The following ABHD6 variants were observed in gnomAD, a reference collection of about 807,000 sequenced individuals.
ABHD6 encodes the protein abhydrolase domain containing 6, acylglycerol lipase, also known as monoacylglycerol lipase ABHD6.
ABHD6 carries 33 observed loss-of-function variants against 38.8 expected under a neutral mutation model. That is an observed-to-expected ratio of 0.85 (90% confidence interval 0.64 to 1.14). The LOEUF (loss-of-function observed/expected upper bound fraction) is 1.14, where lower values mean the gene tolerates loss of function less well. ABHD6 is among the 50% of genes most tolerant of loss of function. ABHD6 has a pLI of 0.00. For synonymous variants in ABHD6, 147 were observed against 161.6 expected, an observed-to-expected ratio of 0.91 and a Z score of 0.69; for missense variants, 380 against 422.6, an observed-to-expected ratio of 0.90 and a Z score of 0.88.
At chr3:58,255,540 G>A (rs2097432663) in intron 2 of ABHD6, among the ~76,000 whole-genome samples, 2 of 150,604 alleles carry the variant, frequency 1.3e-5, no homozygotes, top group South Asian at 2.1e-4. Flanking sequence ...GCTTACTACA[G>A]CTTCAAACTC....
At chr3:58,262,143 TAGAG>T (rs2097437428) in intron 3 of ABHD6, among the ~76,000 whole-genome samples, 1 of 152,036 alleles carries the variant, frequency 6.6e-6, no homozygotes, top group African/African-American at 2.4e-5. Context: ...GACAAACTCA[TAGAG>T]AAAGTAGAAT....
rs1575524243 is a variant in ABHD6 at position 58,269,896 on chromosome 3, G to A, written c.390+462G>A. On this transcript the variant is annotated intron_variant, in intron 5 of 9. Transcript: ENST00000478253. The surrounding 1 kb of genome is among the most constrained non-coding windows in gnomAD (Gnocchi z 4.4). ...TGGCTAAGCTTTCAAGATCATAGGA[G>A]TTTAAGAGCCATTTCAGAATGGGGT... Among the ~76,000 whole-genome samples the A allele has an allele frequency of 6.6e-6, 1 of 152,306 alleles. No homozygotes were observed. The highest frequency in any genetic ancestry group is 1.9e-4 in the East Asian group (1 of 5,184).
chr3:58,245,486 G>A (rs1014253121), intron 1 of ABHD6, among the ~76,000 whole-genome samples: 3 of 151,376 alleles, frequency 2.0e-5, no homozygotes, highest in African/African-American at 7.3e-5. Context: ...ATTTAGAAAG[G>A]CAAAACCCCA....
rs189464408 is a variant in ABHD6, at chr3:58,248,471, G to A, written c.-90-1407G>A. On this transcript the variant is annotated intron_variant, in intron 1 of 9. Coordinates refer to ENST00000478253, the MANE Select transcript of ABHD6 (RefSeq NM_001320126.2). ...CCAGCACTTTGGAAGGCCGAGGCAG[G>A]CTGATCACCTGAGGTTGGGAGTTCG... Among the ~76,000 whole-genome samples, 38 of 152,310 alleles carry A rather than the reference G, an allele frequency of 2.5e-4. No individual in the cohort carries two copies. In the East Asian group the frequency reaches 6.4e-3, roughly 26 times the overall value.
At position 58,285,737 on chromosome 3, in the gene ABHD6, A is replaced by G. The variant is rs1257189264; in HGVS notation, c.837+284A>G. On this transcript the variant is annotated intron_variant, in intron 9 of 9. Transcript: ENST00000478253. The surrounding 1 kb of genome is among the most constrained non-coding windows in gnomAD (Gnocchi z 4.9). ...ACATGGTATAAAAAGATCTTCAAAG[A>G]ACACCAAAAGGTTTATAATGAAAAC... Among the ~76,000 whole-genome samples the G allele has an allele frequency of 6.6e-6, 1 of 152,228 alleles. No homozygotes were observed. The highest frequency in any genetic ancestry group is 1.5e-5 in the Non-Finnish European group (1 of 68,034).
chr3:58,279,489 T>C (rs1457124603), intron 7 of ABHD6, among the ~76,000 whole-genome samples: 1 of 152,208 alleles, frequency 6.6e-6, no homozygotes, highest in East Asian at 1.9e-4. Flanking sequence ...AGCCTATGTG[T>C]GTCTCTGCAT....
chr3:58,247,246 C>T (rs564672789), intron 1 of ABHD6, among the ~76,000 whole-genome samples: 264 of 152,140 alleles, frequency 1.7e-3, no homozygotes, highest in African/African-American at 6.0e-3. Context: ...CAAAGTGATC[C>T]TCCTGCTTCA....
At position 58,245,030 on chromosome 3, in the gene ABHD6, G is replaced by A. The variant is rs1050163427; in HGVS notation, c.-90-4848G>A. Among the ~76,000 whole-genome samples the A allele has an allele frequency of 1.2e-3, 187 of 152,326 alleles. 1 individual carries two copies. Among genetic ancestry groups the A allele is most frequent in the Non-Finnish European group, 4.7e-4 (32 of 68,032 alleles). On this transcript the variant is annotated intron_variant, in intron 1 of 9. Coordinates refer to ENST00000478253, the MANE Select transcript of ABHD6 (RefSeq NM_001320126.2). Reference sequence around the variant, plus strand: ...GGATCAGTGCACAAGGACCCTGAATGCTAGACTTTGTGCTGGGAGTGAGAA... The same window carrying A: ...GGATCAGTGCACAAGGACCCTGAATACTAGACTTTGTGCTGGGAGTGAGAA...
In ABHD6 at chr3:58,269,404, C is replaced by G. The variant is rs1374797583; in HGVS notation, c.360C>G (p.Ser120=). The change falls in exon 5 of 10, where the codon TCC becomes TCG. Residue 120 remains serine, a synonymous_variant. Transcript: ENST00000478253. The surrounding 1 kb of genome is among the most constrained non-coding windows in gnomAD (Gnocchi z 4.4). The part of the protein sequence containing the change: ...GTTRSSLDDL[S]IDGQVKRIHQ... ...CCCGCTCCTCCCTGGATGACCTGTCCATAGATGGGCAAGTTAAGAGGATAC... is the reference window on the plus strand; with the variant it reads ...CCCGCTCCTCCCTGGATGACCTGTCGATAGATGGGCAAGTTAAGAGGATAC... 2 of 1,613,830 alleles carry G rather than the reference C, an allele frequency of 1.2e-6. No homozygotes were observed. The highest frequency in any genetic ancestry group is 2.2e-5 in the East Asian group (1 of 44,872).
chr3:58,284,328 C>G (rs1469952923), intron 7 of ABHD6, among the ~76,000 whole-genome samples: 1 of 152,150 alleles, frequency 6.6e-6, no homozygotes, highest in Non-Finnish European at 1.5e-5. Flanking sequence ...AGAATCTTTT[C>G]AATAGTTTAT....
rs1253655936 is a variant in ABHD6 at position 58,273,029 on chromosome 3, A to G, written c.524-1629A>G. On this transcript the variant is annotated intron_variant, in intron 6 of 9. Coordinates refer to ENST00000478253, the MANE Select transcript of ABHD6 (RefSeq NM_001320126.2). This position sits in a 1 kb window ranked among gnomAD's most constrained non-coding sequence, Gnocchi z 4.8. ...TGGATTTCATTTAGTTTTTCAACTC[A>G]TGTCCTTTTTCTGTTCTGGGATCCA... 6.6e-6 allele frequency among the ~76,000 whole-genome samples: 1 copy of G among 152,144 alleles called. No homozygotes were observed. Among genetic ancestry groups the G allele is most frequent in the Admixed American group, 6.6e-5 (1 of 15,258 alleles).
Position 58,280,219 on chromosome 3 carries a change from G to A in ABHD6, c.682-4866G>A, listed in dbSNP as rs116595454. 5.2e-3 allele frequency among the ~76,000 whole-genome samples: 799 copies of A among 152,222 alleles called. 10 individuals carry two copies. Among genetic ancestry groups the A allele is most frequent in the African/African-American group, 0.018 (764 of 41,520 alleles). ...GGTTCCATTCTTCCCATCATTTCCA[G>A]GTACATCAGTCAAACATAGATTTGG... On this transcript the variant is annotated intron_variant, in intron 7 of 9. Transcript: ENST00000478253.
chr3:58,248,453 T>G (rs1395139193), intron 1 of ABHD6, among the ~76,000 whole-genome samples: 2 of 152,110 alleles, frequency 1.3e-5, no homozygotes, highest in Non-Finnish European at 2.9e-5. Context: ...ATCCCAGCAC[T>G]TTGGAAGGCC....
Position 58,287,014 on chromosome 3 carries a change from C to T in ABHD6, c.837+1561C>T, listed in dbSNP as rs915761529. On this transcript the variant is annotated intron_variant, in intron 9 of 9. Transcript: ENST00000478253. The surrounding 1 kb of genome is among the most constrained non-coding windows in gnomAD (Gnocchi z 4.7). ...AAAGAAGGCCAGGCATGGTGGCTTACGCCTATAATGCCAGCACTTTGGGAG... is the reference window on the plus strand; with the variant it reads ...AAAGAAGGCCAGGCATGGTGGCTTATGCCTATAATGCCAGCACTTTGGGAG... Among the ~76,000 whole-genome samples the T allele has an allele frequency of 1.8e-4, 27 of 150,292 alleles. No individual in the cohort carries two copies. Among genetic ancestry groups the T allele is most frequent in the Middle Eastern group, 3.7e-3 (1 of 272 alleles).
Position 58,266,079 on chromosome 3 carries a change from G to T in ABHD6, c.120-1110G>T, listed in dbSNP as rs893240789. ...ATACGCTTGCCTTGCTGTAAGAAGAGCTTTTAAGCTAGCCAATGCTATTAT... is the reference window on the plus strand; with the variant it reads ...ATACGCTTGCCTTGCTGTAAGAAGATCTTTTAAGCTAGCCAATGCTATTAT... On this transcript the variant is annotated intron_variant, in intron 3 of 9. Transcript: ENST00000478253. The surrounding 1 kb of genome is among the most constrained non-coding windows in gnomAD (Gnocchi z 4.0). Among the ~76,000 whole-genome samples the T allele has an allele frequency of 6.6e-6, 1 of 152,236 alleles. No individual in the cohort carries two copies. Among genetic ancestry groups the T allele is most frequent in the Non-Finnish European group, 1.5e-5 (1 of 68,042 alleles).
At chr3:58,242,323 A>G (rs1266359249) in intron 1 of ABHD6, among the ~76,000 whole-genome samples, 1 of 152,210 alleles carries the variant, frequency 6.6e-6, no homozygotes, top group Admixed American at 6.5e-5. Flanking sequence ...AGAGAGGAAG[A>G]GAAAGCTGTG....
At chr3:58,252,235 T>TTTTG (rs1553718245) in intron 2 of ABHD6, among the ~76,000 whole-genome samples, 3 of 141,336 alleles carry the variant, frequency 2.1e-5, no homozygotes, top group African/African-American at 8.2e-5. Flanking sequence ...GCTTGTTTTT[T>TTTTG]TTTTTTTTTT....
chr3:58,262,638 T>C (rs58593308), intron 3 of ABHD6, among the ~76,000 whole-genome samples: 4,716 of 152,296 alleles, frequency 0.031, 251 homozygotes, highest in African/African-American at 0.11. Flanking sequence ...TTAGAGGTAA[T>C]CTATTCTCTA....
At position 58,251,646 on chromosome 3, in the gene ABHD6, G is replaced by T. The variant is rs1056266983; in HGVS notation, c.-26+1704G>T. 6.6e-6 allele frequency among the ~76,000 whole-genome samples: 1 copy of T among 152,186 alleles called. No homozygotes were observed. Among genetic ancestry groups the T allele is most frequent in the Non-Finnish European group, 1.5e-5 (1 of 68,036 alleles). The stretch of plus-strand genomic sequence containing the variant: ...AAGGGCCCCCAAATGCACAGCTTGG[G>T]TGTTGAGCAGTGGCAGAGGATCCTG... On this transcript the variant is annotated intron_variant, in intron 2 of 9. Coordinates refer to ENST00000478253, the MANE Select transcript of ABHD6 (RefSeq NM_001320126.2). This position sits in a 1 kb window ranked among gnomAD's most constrained non-coding sequence, Gnocchi z 5.4.
Sources: allele counts gnomAD v4.1 joint callset (sites outside exome capture counted in the v4.1 genomes callset), GRCh38; gene constraint gnomAD v4.1.1; non-coding constraint Gnocchi (gnomAD v3.1); transcripts MANE v1.5; gene names NCBI Gene and HGNC (gene_info 2026-07-23, HGNC 2026-07-21).